XYLT1: variants seen among roughly 807,000 people sequenced by gnomAD.
XYLT1 encodes the protein xylosyltransferase 1, also known as beta-D-xylosyltransferase 1.
In XYLT1, 36 loss-of-function variants were observed where a neutral mutation model predicts 91.3. The observed-to-expected ratio is 0.39, with a 90% CI of 0.30 to 0.52. The LOEUF is 0.52. XYLT1 is among the 20% of genes least tolerant of loss of function. The pLI, the probability that XYLT1 is intolerant of heterozygous loss-of-function variation, is 0.68. For missense variants in XYLT1, 1,242 were observed against 1,284.5 expected, an observed-to-expected ratio of 0.97 and a Z score of 0.51; for synonymous variants, 588 against 532.0, an observed-to-expected ratio of 1.11 and a Z score of -1.45.
At chr16:17,243,289 T>C (rs1343736828) in intron 3 of XYLT1, among the ~76,000 whole-genome samples, 3 of 152,230 alleles carry the variant, frequency 2.0e-5, no homozygotes, top group Admixed American at 1.3e-4. Context: ...GGTCAGTTTA[T>C]GAAAAGCCTG....
intron 1 of XYLT1, among the ~76,000 whole-genome samples, chr16:17,396,967 G>A (rs2141897283): frequency 6.6e-6 from 1 of 152,236 alleles, no homozygotes; most frequent in East Asian, 1.9e-4. Flanking sequence ...AAATTTTATT[G>A]GCACACAGCC....
At chr16:17,434,411 CTGTCTTTCGTAAGTA>C (rs1190896859) in intron 1 of XYLT1, among the ~76,000 whole-genome samples, 1 of 152,244 alleles carries the variant, frequency 6.6e-6, no homozygotes, top group Non-Finnish European at 1.5e-5. Flanking sequence ...CAATGCCTTT[CTGTCTTTCGTAAGTA>C]TGCAATGATG....
intron 4 of XYLT1, among the ~76,000 whole-genome samples, chr16:17,199,418 A>G (rs899612378): frequency 3.3e-5 from 5 of 152,322 alleles, no homozygotes; most frequent in African/African-American, 1.2e-4. Context: ...AGTAGCTGTG[A>G]CAGAGACTAT....
chr16:17,449,619 C>T (rs1380130125), intron 1 of XYLT1, among the ~76,000 whole-genome samples: 1 of 152,220 alleles, frequency 6.6e-6, no homozygotes, highest in Non-Finnish European at 1.5e-5. Context: ...ACAATGCTGA[C>T]AACACTAGGT....
intron 2 of XYLT1, among the ~76,000 whole-genome samples, chr16:17,313,822 A>G (rs915848858): frequency 6.6e-6 from 1 of 152,182 alleles, no homozygotes; most frequent in Non-Finnish European, 1.5e-5. Context: ...TCCTCAGCTG[A>G]AAAGTGTGGA....
chr16:17,170,589 C>G (rs1478741451), intron 5 of XYLT1, among the ~76,000 whole-genome samples: 3 of 152,184 alleles, frequency 2.0e-5, no homozygotes, highest in Non-Finnish European at 4.4e-5. Flanking sequence ...TTTGCAAAAG[C>G]TGGCTCAATG....
Position 17,259,360 on chromosome 16 carries a change from A to C in XYLT1, c.541T>G (p.Leu181Val). 6.2e-7 allele frequency: 1 copy of C among 1,613,614 alleles called. No individual in the cohort carries two copies. The highest frequency in any genetic ancestry group is 1.1e-5 in the South Asian group (1 of 91,018). Reference protein sequence around the residue: ...RTQKQKHQPELAKKPPSRQKE... With the variant: ...RTQKQKHQPEVAKKPPSRQKE... ...TGTCTACTCGGTGGCTTCTTCGCCA[A>C]CTCAGGCTGGTGCTTCTGCTTTTGA... The change falls in exon 3 of 12, where the codon TTG becomes GTG. Residue 181 changes from leucine (L) to valine (V), a missense_variant. Around this residue, in one of 3 missense-constraint regions of XYLT1, gnomAD observed 437 missense variants for 411.5 expected, o/e 1.06. Transcript: ENST00000261381.
At chr16:17,358,104 T>G in intron 1 of XYLT1, 54 bp from the exon 2 acceptor site, 2 of 1,503,852 alleles carry the variant, frequency 1.3e-6, no homozygotes, top group Non-Finnish European at 1.8e-6. Flanking sequence ...GTTAACTTAC[T>G]ACCCCAGCAT....
At chr16:17,175,345 A>T (rs1458348991) in intron 5 of XYLT1, among the ~76,000 whole-genome samples, 2 of 152,198 alleles carry the variant, frequency 1.3e-5, no homozygotes, top group African/African-American at 2.4e-5. Context: ...TAAGTATAGA[A>T]TATAAGAGTT....
In XYLT1 at chr16:17,127,750, C is replaced by G. The variant is rs764705615; in HGVS notation, c.2139G>C (p.Glu713Asp). ...HATNLAVSKLETLETWVMPKK... is the reference protein window; with the variant it reads ...HATNLAVSKLDTLETWVMPKK... ...TCGGCATCACCCAGGTCTCCAGAGTCTCTAGTTTGCTCACAGCCAGATTGG... is the reference window on the plus strand; with the variant it reads ...TCGGCATCACCCAGGTCTCCAGAGTGTCTAGTTTGCTCACAGCCAGATTGG... The change falls in exon 10 of 12, where the codon GAG becomes GAC. Residue 713 changes from glutamate to aspartate, a missense_variant. By Grantham distance (45) the Glu-to-Asp change is conservative. Transcript: ENST00000261381. The G allele has an allele frequency of 8.7e-6, 14 of 1,614,104 alleles. No homozygotes were observed. The highest frequency in any genetic ancestry group is 8.3e-5 in the Admixed American group (5 of 60,004).
chr16:17,201,590 T>C (rs947969909), intron 3 of XYLT1, among the ~76,000 whole-genome samples: 1 of 151,938 alleles, frequency 6.6e-6, no homozygotes, highest in East Asian at 1.9e-4. Context: ...TTTTCCTGCC[T>C]GAGCCTCCTG....
chr16:17,294,158 A>C (rs1407200965), intron 2 of XYLT1, among the ~76,000 whole-genome samples: 1 of 152,198 alleles, frequency 6.6e-6, no homozygotes, highest in Non-Finnish European at 1.5e-5. Context: ...CCTGCTCAGC[A>C]GAGCCTCAAA....
chr16:17,320,550 G>A (rs535325105), intron 2 of XYLT1, among the ~76,000 whole-genome samples: 2 of 150,456 alleles, frequency 1.3e-5, no homozygotes, highest in Non-Finnish European at 1.5e-5. Flanking sequence ...TGCGATATCG[G>A]CTCACTGCAA....
chr16:17,125,800 A>G (rs910355744), intron 10 of XYLT1, among the ~76,000 whole-genome samples: 1 of 152,182 alleles, frequency 6.6e-6, no homozygotes, highest in Non-Finnish European at 1.5e-5. Context: ...ATGCAATTCC[A>G]TGACCACAGG....
chr16:17,438,643 C>T (rs2036492757), intron 1 of XYLT1, among the ~76,000 whole-genome samples: 1 of 152,036 alleles, frequency 6.6e-6, no homozygotes, highest in African/African-American at 2.4e-5. Flanking sequence ...TGACTCAGTT[C>T]CACAGGCTGT....
chr16:17,132,103 T>G (rs1363861161), intron 9 of XYLT1, among the ~76,000 whole-genome samples: 1 of 152,176 alleles, frequency 6.6e-6, no homozygotes, highest in Admixed American at 6.5e-5. Context: ...ACCTTATACA[T>G]TCTAGGAAGC....
intron 10 of XYLT1, among the ~76,000 whole-genome samples, chr16:17,127,020 A>C (rs898456416): frequency 6.6e-6 from 1 of 152,202 alleles, no homozygotes; most frequent in African/African-American, 2.4e-5. Context: ...TGGATGGAGA[A>C]TGTAGCTATT....
intron 2 of XYLT1, among the ~76,000 whole-genome samples, chr16:17,268,738 T>C (rs1007495460): frequency 6.6e-6 from 1 of 150,486 alleles, no homozygotes; most frequent in African/African-American, 2.5e-5. Flanking sequence ...AGTGGTGCAA[T>C]CTCGGCTCAC....
intron 1 of XYLT1, among the ~76,000 whole-genome samples, chr16:17,466,110 T>A (rs942277810): frequency 1.3e-5 from 2 of 152,182 alleles, no homozygotes; most frequent in African/African-American, 4.8e-5. Flanking sequence ...TCGAGTTTGT[T>A]TTTTAGTTAT....
Sources: allele counts gnomAD v4.1 joint callset (sites outside exome capture counted in the v4.1 genomes callset), GRCh38; gene constraint gnomAD v4.1.1; regional missense constraint gnomAD v4.1.1; transcripts MANE v1.5; gene names NCBI Gene and HGNC (gene_info 2026-07-23, HGNC 2026-07-21).